The following EIF3E variants were observed in gnomAD, a reference collection of about 807,000 sequenced individuals.
The protein encoded by EIF3E is eukaryotic translation initiation factor 3 subunit E, also known as eIF-3 p48.
EIF3E carries 25 observed loss-of-function variants against 59.3 expected under a neutral mutation model. The observed-to-expected ratio is 0.42, with a 90% CI of 0.31 to 0.59. EIF3E has a LOEUF of 0.59. Ranked by LOEUF, EIF3E falls within the 20% of genes least tolerant of loss-of-function variation. The probability of loss-of-function intolerance (pLI) is 0.15; values close to 1 mark genes in which losing one functional copy is unlikely to be tolerated. For synonymous variants in EIF3E, 176 were observed against 170.2 expected, an observed-to-expected ratio of 1.03 and a Z score of -0.26; for missense variants, 317 against 534.3, an observed-to-expected ratio of 0.59 and a Z score of 4.01.
intron 3 of EIF3E, among the ~76,000 whole-genome samples, chr8:108,237,627 A>G (rs1027496415): frequency 6.6e-6 from 1 of 152,206 alleles, no homozygotes; most frequent in African/African-American, 2.4e-5. Context: ...TTGGGAACAC[A>G]ATTTTGCTTG....
Position 108,212,599 on chromosome 8 carries a change from C to T in EIF3E, c.1061+2008G>A, listed in dbSNP as rs184102609. 3.6e-3 allele frequency among the ~76,000 whole-genome samples: 551 copies of T among 152,250 alleles called. 1 individual carries two copies. The highest frequency in any genetic ancestry group is 5.9e-3 in the Non-Finnish European group (404 of 68,032). On this transcript the variant is annotated intron_variant, in intron 10 of 12. Transcript: ENST00000220849. ...GGGAGATCACTTGAGGCCAGGAGTT[C>T]AAGACAAGCCTGGCCAACATGGTGA...
chr8:108,214,279 G>A (rs1815263280), intron 10 of EIF3E, among the ~76,000 whole-genome samples: 1 of 152,078 alleles, frequency 6.6e-6, no homozygotes, highest in South Asian at 2.1e-4. Flanking sequence ...TTGTACTGTT[G>A]TTGAAAACCA....
chr8:108,208,515 T>C (rs749107917), intron 10 of EIF3E, among the ~76,000 whole-genome samples: 7 of 152,146 alleles, frequency 4.6e-5, no homozygotes, highest in Non-Finnish European at 7.4e-5. Context: ...CTGAAAATTA[T>C]CTCTTTATAA....
chr8:108,239,874 T>C (rs1815803199), intron 3 of EIF3E, 84 bp downstream of exon 3: 4 of 1,087,864 alleles, frequency 3.7e-6, no homozygotes, highest in South Asian at 1.3e-5. Flanking sequence ...ACTTTTACTA[T>C]GGGATACTGG....
intron 5 of EIF3E, among the ~76,000 whole-genome samples, chr8:108,230,873 T>C (rs187448851): frequency 2.6e-4 from 39 of 152,226 alleles, no homozygotes; most frequent in African/African-American, 9.1e-4. Context: ...CACAATAACA[T>C]GAACCTCAAA....
chr8:108,211,781 C>A (rs1339879011), intron 10 of EIF3E, among the ~76,000 whole-genome samples: 1 of 152,176 alleles, frequency 6.6e-6, no homozygotes, highest in Non-Finnish European at 1.5e-5. Flanking sequence ...AGCACAGCAG[C>A]CCTGCTGCAA....
chr8:108,208,625 T>A (rs761372657), intron 10 of EIF3E, among the ~76,000 whole-genome samples: 2 of 152,148 alleles, frequency 1.3e-5, no homozygotes, highest in African/African-American at 2.4e-5. Flanking sequence ...ATGTAAATTG[T>A]TATGTGGTAA....
At chr8:108,207,773 A>G (rs2129846370) in intron 10 of EIF3E, among the ~76,000 whole-genome samples, 1 of 152,330 alleles carries the variant, frequency 6.6e-6, no homozygotes, top group Non-Finnish European at 1.5e-5. Flanking sequence ...TAAGATATGC[A>G]CAGAATTCTT....
At chr8:108,202,341 A>T (rs1815010273) in intron 12 of EIF3E, among the ~76,000 whole-genome samples, 1 of 152,070 alleles carries the variant, frequency 6.6e-6, no homozygotes, top group Non-Finnish European at 1.5e-5. Context: ...TTTGTTCCTA[A>T]AATTTCAATC....
chr8:108,212,459 G>C (rs1403007612), intron 10 of EIF3E, among the ~76,000 whole-genome samples: 1 of 152,166 alleles, frequency 6.6e-6, no homozygotes, highest in Non-Finnish European at 1.5e-5. Context: ...TGTGTTGTTG[G>C]ATCAGAAGAT....
rs559057043 is a variant in EIF3E, at chr8:108,203,127, AAC to A, written c.1165-12_1165-11del. On this transcript the variant is annotated splice_polypyrimidine_tract_variant and intron_variant, in intron 11 of 12. Coordinates refer to ENST00000220849, the MANE Select transcript of EIF3E (RefSeq NM_001568.3). ...CCATAACCACATGACCCTAAAAGGA[AAC>A]ACAGGGAAATTGATCCTATAATGTT... 1,595 of 1,608,266 alleles carry A rather than the reference AAC, an allele frequency of 9.9e-4. 11 individuals carry two copies. In the African/African-American group the frequency reaches 0.018, roughly 18 times the overall value.
intron 3 of EIF3E, among the ~76,000 whole-genome samples, chr8:108,238,262 C>T (rs1226327558): frequency 6.6e-6 from 1 of 152,236 alleles, no homozygotes; most frequent in African/African-American, 2.4e-5. Flanking sequence ...GTGTATATAT[C>T]TCTGTGTGTT....
At chr8:108,242,462 CACA>C in intron 1 of EIF3E, 4 of 1,284,320 alleles carry the variant, frequency 3.1e-6, no homozygotes, top group Non-Finnish European at 4.1e-6. Flanking sequence ...TACACAAACT[CACA>C]ACAACATGAA....
chr8:108,233,669 C>A, intron 5 of EIF3E: 1 of 412,568 alleles, frequency 2.4e-6, no homozygotes, highest in Non-Finnish European at 4.9e-6. Flanking sequence ...TAGCAAGACT[C>A]CATCTTGGAA....
chr8:108,203,530 T>A lies in EIF3E; in HGVS notation c.1062-27A>T, dbSNP rs756368207. ...TAATGAAAAAGTAAAAACAGCAATG[T>A]TAATTAACTGGGCCTAAAAACTTAG... On this transcript the variant is annotated intron_variant, in intron 10 of 12. Coordinates refer to ENST00000220849, the MANE Select transcript of EIF3E (RefSeq NM_001568.3). The A allele has an allele frequency of 2.4e-5, 38 of 1,594,238 alleles. No homozygotes were observed. The South Asian group carries it at 4.2e-4, about 18-fold the overall frequency.
Position 108,248,456 on chromosome 8 carries a change from C to A in EIF3E, c.90+157G>T, listed in dbSNP as rs565775800. ...ATAGTGCGGTGCTTCTTAACTGAGA[C>A]GACGCTAAACTACCAGAAGATCCTT... On this transcript the variant is annotated intron_variant, in intron 1 of 12. Coordinates refer to ENST00000220849, the MANE Select transcript of EIF3E (RefSeq NM_001568.3). Among the ~76,000 whole-genome samples the A allele has an allele frequency of 8.5e-5, 13 of 152,296 alleles. No homozygotes were observed. In the East Asian group the frequency reaches 2.5e-3, roughly 29 times the overall value.
intron 1 of EIF3E, among the ~76,000 whole-genome samples, chr8:108,243,650 A>G (rs962575847): frequency 6.7e-6 from 1 of 150,008 alleles, no homozygotes; most frequent in African/African-American, 2.5e-5. Flanking sequence ...AAAAAAAAAA[A>G]AAAAAAAAAA....
intron 8 of EIF3E, among the ~76,000 whole-genome samples, 155 bp from the exon 9 acceptor site, chr8:108,216,668 T>C (rs1815310995): frequency 6.6e-6 from 1 of 152,172 alleles, no homozygotes. Context: ...CCTATCCTGA[T>C]TCCAGACCAC....
chr8:108,202,962 T>C (rs778175913), intron 12 of EIF3E, 21 bp downstream of exon 12: 3 of 1,606,864 alleles, frequency 1.9e-6, no homozygotes, highest in East Asian at 2.2e-5. Context: ...CCAGACAGAA[T>C]AGAAGATGTG....
Sources: gnomAD v4.1 joint callset for allele counts (sites outside exome capture counted in the v4.1 genomes callset) on GRCh38, gnomAD v4.1.1 for gene constraint, MANE v1.5 for transcripts, NCBI Gene and HGNC (gene_info 2026-07-23, HGNC 2026-07-21) for gene names.